Variants in PDZRN3 observed in about 807,000 individuals in gnomAD.
The protein encoded by PDZRN3 is E3 ubiquitin-protein ligase PDZRN3.
A neutral mutation model predicts 85.7 loss-of-function variants in PDZRN3; 38 were observed. The observed-to-expected ratio is 0.44, with a 90% CI of 0.34 to 0.58. PDZRN3 has a LOEUF of 0.58. PDZRN3 is among the 20% of genes least tolerant of loss of function. The pLI, the probability that PDZRN3 is intolerant of heterozygous loss-of-function variation, is 0.01. For synonymous variants in PDZRN3, 759 were observed against 638.0 expected (o/e 1.19, Z -2.86); for missense variants, 1,629 against 1,506.4 (o/e 1.08, Z -1.35).
intron 3 of PDZRN3, among the ~76,000 whole-genome samples, chr3:73,476,616 A>G (rs192719781): frequency 1.2e-4 from 18 of 152,358 alleles, no homozygotes; most frequent in Non-Finnish European, 2.2e-4. Context: ...TTTCATGGTT[A>G]GGTTATAAAA....
chr3:73,621,361 T>C (rs1234982393), intron 1 of PDZRN3, among the ~76,000 whole-genome samples: 2 of 152,322 alleles, frequency 1.3e-5, no homozygotes, highest in Non-Finnish European at 2.9e-5. Context: ...GTGTTTCTAA[T>C]CTCCTTCAGC....
At chr3:73,448,952 G>T (rs1202777448) in intron 3 of PDZRN3, among the ~76,000 whole-genome samples, 1 of 152,152 alleles carries the variant, frequency 6.6e-6, no homozygotes, top group Non-Finnish European at 1.5e-5. Context: ...ATTTCTCACT[G>T]CAATGTGGTG....
intron 1 of PDZRN3, among the ~76,000 whole-genome samples, chr3:73,622,047 C>T (rs952183384): frequency 6.6e-6 from 1 of 152,154 alleles, no homozygotes; most frequent in East Asian, 1.9e-4. Flanking sequence ...CTTAAAACGA[C>T]GAAGGAAGTC....
chr3:73,576,823 G>C (rs1348428662), intron 3 of PDZRN3, among the ~76,000 whole-genome samples: 1 of 152,042 alleles, frequency 6.6e-6, no homozygotes, highest in Non-Finnish European at 1.5e-5. Flanking sequence ...TATAGACAAA[G>C]AAGTCAAAGT....
chr3:73,548,235 C>T (rs1415743980), intron 3 of PDZRN3, among the ~76,000 whole-genome samples: 1 of 152,230 alleles, frequency 6.6e-6, no homozygotes, highest in Non-Finnish European at 1.5e-5. Context: ...CCAAATGTGA[C>T]AGGCGCTTGG....
chr3:73,432,560 G>A (rs1215686070), intron 3 of PDZRN3, among the ~76,000 whole-genome samples: 1 of 152,028 alleles, frequency 6.6e-6, no homozygotes, highest in South Asian at 2.1e-4. Context: ...TTATCTTTAG[G>A]TTTTGTCCAG....
chr3:73,571,083 T>A (rs1702039770), intron 3 of PDZRN3, among the ~76,000 whole-genome samples: 1 of 152,198 alleles, frequency 6.6e-6, no homozygotes, highest in South Asian at 2.1e-4. Context: ...TTTTTGACGA[T>A]TCAGTTTTAC....
chr3:73,468,216 T>C (rs1370331236), intron 3 of PDZRN3, among the ~76,000 whole-genome samples: 1 of 151,978 alleles, frequency 6.6e-6, no homozygotes, highest in African/African-American at 2.4e-5. Flanking sequence ...ACTGTTGGCT[T>C]TGGAAATGGG....
At chr3:73,498,178 C>G (rs1703904518) in intron 3 of PDZRN3, among the ~76,000 whole-genome samples, 1 of 152,186 alleles carries the variant, frequency 6.6e-6, no homozygotes, top group South Asian at 2.1e-4. Context: ...CCCTGTCACT[C>G]CACTTGAAAA....
intron 3 of PDZRN3, among the ~76,000 whole-genome samples, chr3:73,421,934 A>T (rs1448902071): frequency 6.6e-6 from 1 of 152,208 alleles, no homozygotes; most frequent in Non-Finnish European, 1.5e-5. Flanking sequence ...GGCGTGAGCC[A>T]CCGTGCCTGG....
intron 3 of PDZRN3, among the ~76,000 whole-genome samples, chr3:73,479,196 G>A (rs887463777): frequency 6.6e-6 from 1 of 152,088 alleles, no homozygotes; most frequent in Non-Finnish European, 1.5e-5. Context: ...TTGTATATCA[G>A]AATAACCCAG....
chr3:73,592,433 G>A (rs984974739), intron 3 of PDZRN3, among the ~76,000 whole-genome samples: 1 of 152,046 alleles, frequency 6.6e-6, no homozygotes, highest in African/African-American at 2.4e-5. Context: ...CCCGATCCCT[G>A]AAAGCTGTCA....
At chr3:73,474,046 C>G (rs1390197705) in intron 3 of PDZRN3, among the ~76,000 whole-genome samples, 1 of 152,218 alleles carries the variant, frequency 6.6e-6, no homozygotes, top group Non-Finnish European at 1.5e-5. Flanking sequence ...CAAACCTAAG[C>G]TTATCTGGCT....
intron 3 of PDZRN3, among the ~76,000 whole-genome samples, chr3:73,554,653 C>T (rs1701648053): frequency 6.6e-6 from 1 of 152,146 alleles, no homozygotes; most frequent in South Asian, 2.1e-4. Flanking sequence ...TTAGAAAGGT[C>T]TCCAAGACAT....
intron 3 of PDZRN3, among the ~76,000 whole-genome samples, chr3:73,585,035 G>C (rs1301850439): frequency 5.3e-5 from 8 of 152,118 alleles, no homozygotes; most frequent in Admixed American, 5.2e-4. Flanking sequence ...CCTCCACTTT[G>C]AAGAGATAAC....
chr3:73,546,944 A>C (rs184749490), intron 3 of PDZRN3, among the ~76,000 whole-genome samples: 2 of 152,162 alleles, frequency 1.3e-5, no homozygotes, highest in African/African-American at 4.8e-5. Flanking sequence ...ATGAGGTGAG[A>C]ACTCCCAGGT....
At chr3:73,569,220 T>C in intron 3 of PDZRN3, 1 of 1,288,750 alleles carries the variant, frequency 7.8e-7, no homozygotes, top group Non-Finnish European at 1.0e-6. Flanking sequence ...TGAAGGTCCT[T>C]CATAAATACT....
chr3:73,408,988 A>T (rs1032706633), intron 3 of PDZRN3, among the ~76,000 whole-genome samples: 1 of 152,192 alleles, frequency 6.6e-6, no homozygotes, highest in South Asian at 2.1e-4. Flanking sequence ...AACTTGCCCA[A>T]TTGAGCAGAT....
At chr3:73,546,734 A>C (rs1701431014) in intron 3 of PDZRN3, among the ~76,000 whole-genome samples, 1 of 152,248 alleles carries the variant, frequency 6.6e-6, no homozygotes, top group African/African-American at 2.4e-5. Flanking sequence ...TGTATGGTAA[A>C]ATTTAAATGC....
Sources: allele counts gnomAD v4.1 joint callset (sites outside exome capture counted in the v4.1 genomes callset), GRCh38; gene constraint gnomAD v4.1.1; transcripts MANE v1.5; gene names NCBI Gene and HGNC (gene_info 2026-07-23, HGNC 2026-07-21).